The following ZMAT4 variants were observed in gnomAD, a reference collection of about 807,000 sequenced individuals.
ZMAT4 encodes the protein zinc finger matrin-type protein 4.
Under a neutral mutation model 28.7 loss-of-function variants are expected in ZMAT4, and 17 were observed. The ratio of observed to expected loss-of-function variants is 0.59; its 90% CI spans 0.41 to 0.89. The LOEUF (loss-of-function observed/expected upper bound fraction) is 0.89. Among genes scored for constraint, ZMAT4 ranks in the 40% least tolerant of loss-of-function variants. The pLI is 0.00. For missense variants in ZMAT4, 240 were observed against 283.8 expected (o/e 0.85, Z 1.11); for synonymous variants, 117 against 109.2 (o/e 1.07, Z -0.44).
chr8:40,633,373 T>A (rs891865992), intron 5 of ZMAT4, among the ~76,000 whole-genome samples: 2 of 151,976 alleles, frequency 1.3e-5, no homozygotes, highest in Non-Finnish European at 2.9e-5. Context: ...ACCCATTAAG[T>A]GGGAAAGTGA....
chr8:40,581,598 C>T (rs757289747), intron 5 of ZMAT4, among the ~76,000 whole-genome samples: 2 of 152,170 alleles, frequency 1.3e-5, no homozygotes, highest in Non-Finnish European at 2.9e-5. Flanking sequence ...ACTGTCATCT[C>T]TGCAGTGAAA....
At chr8:40,608,166 A>G (rs912040417) in intron 5 of ZMAT4, among the ~76,000 whole-genome samples, 5 of 152,088 alleles carry the variant, frequency 3.3e-5, no homozygotes, top group Non-Finnish European at 5.9e-5. Flanking sequence ...GTCTTTGGCT[A>G]TCAGGGAGGG....
intron 3 of ZMAT4, among the ~76,000 whole-genome samples, chr8:40,719,107 T>G (rs988471324): frequency 6.6e-6 from 1 of 152,170 alleles, no homozygotes. Context: ...TGATGTTTTC[T>G]TCTCTCTCTT....
intron 5 of ZMAT4, among the ~76,000 whole-genome samples, chr8:40,617,524 G>A (rs969538514): frequency 1.3e-5 from 2 of 152,176 alleles, no homozygotes; most frequent in Non-Finnish European, 2.9e-5. Context: ...ATGCTGAAAC[G>A]CTATGCAAGC....
intron 4 of ZMAT4, among the ~76,000 whole-genome samples, chr8:40,691,347 G>A (rs773037779): frequency 6.6e-6 from 1 of 150,882 alleles, no homozygotes; most frequent in East Asian, 1.9e-4. Flanking sequence ...ATTTTAAATG[G>A]CAAAGTCACC....
In ZMAT4 at chr8:40,743,650, G is replaced by T. The variant is rs1249784314; in HGVS notation, c.192+23991C>A. On this transcript the variant is annotated intron_variant, in intron 3 of 6. Coordinates refer to ENST00000297737, the MANE Select transcript of ZMAT4 (RefSeq NM_024645.3). ...CCTGGCTCCTCACAGAGAGTTGGAA[G>T]CCCTGGGTACACAGGACACACACAT... Among the ~76,000 whole-genome samples, 3 of 152,354 alleles carry T rather than the reference G, an allele frequency of 2.0e-5. No individual in the cohort carries two copies. In the East Asian group the frequency reaches 5.8e-4, roughly 29 times the overall value.
chr8:40,873,752 T>C lies in ZMAT4; in HGVS notation c.-5+23931A>G, dbSNP rs76413938. Among the ~76,000 whole-genome samples the C allele has an allele frequency of 8.2e-3, 1,247 of 152,296 alleles. 7 individuals carry two copies. Among genetic ancestry groups the C allele is most frequent in the Non-Finnish European group, 0.013 (892 of 68,010 alleles). On this transcript the variant is annotated intron_variant, in intron 1 of 6. Coordinates refer to ENST00000297737, the MANE Select transcript of ZMAT4 (RefSeq NM_024645.3). Reference sequence around the variant, plus strand: ...AGTCCCAGAGGATCTTAAAATGGTTTCACTTCATCAGCGGTTAGGACATGT... The same window carrying C: ...AGTCCCAGAGGATCTTAAAATGGTTCCACTTCATCAGCGGTTAGGACATGT...
rs377553574 is a variant in ZMAT4 at position 40,638,128 on chromosome 8, G to A, written c.577+36576C>T. Among the ~76,000 whole-genome samples, 12 of 152,208 alleles carry A rather than the reference G, an allele frequency of 7.9e-5. 1 individual carries two copies. The highest frequency in any genetic ancestry group is 2.9e-4 in the African/African-American group (12 of 41,538). Reference sequence around the variant, plus strand: ...CATTTCAGTTAGAGAGGAGGAAGAGGTTCTCGTGATCTATTGTACAATATA... The same window carrying A: ...CATTTCAGTTAGAGAGGAGGAAGAGATTCTCGTGATCTATTGTACAATATA... On this transcript the variant is annotated intron_variant, in intron 5 of 6. Transcript: ENST00000297737.
At chr8:40,647,835 G>A (rs1490978690) in intron 5 of ZMAT4, among the ~76,000 whole-genome samples, 2 of 151,988 alleles carry the variant, frequency 1.3e-5, no homozygotes, top group Non-Finnish European at 2.9e-5. Flanking sequence ...TCACACGCAG[G>A]GTATTCCAAC....
intron 2 of ZMAT4, among the ~76,000 whole-genome samples, chr8:40,821,581 G>A (rs1479307405): frequency 6.6e-6 from 1 of 152,094 alleles, no homozygotes; most frequent in South Asian, 2.1e-4. Flanking sequence ...TCGTGCAAAG[G>A]TTCAGCCTTT....
chr8:40,854,403 T>G (rs145921645), intron 1 of ZMAT4, among the ~76,000 whole-genome samples: 6 of 152,318 alleles, frequency 3.9e-5, no homozygotes, highest in African/African-American at 1.2e-4. Context: ...AATACTTCCC[T>G]TTAAAATATA....
At chr8:40,547,832 G>A (rs1348386888) in intron 6 of ZMAT4, among the ~76,000 whole-genome samples, 2 of 152,132 alleles carry the variant, frequency 1.3e-5, no homozygotes, top group African/African-American at 2.4e-5. Flanking sequence ...AGAGACTCAC[G>A]ATGAATGAAA....
At chr8:40,828,110 G>T (rs949254922) in intron 1 of ZMAT4, among the ~76,000 whole-genome samples, 2 of 152,156 alleles carry the variant, frequency 1.3e-5, no homozygotes, top group Non-Finnish European at 2.9e-5. Context: ...TGAGGCAAAG[G>T]ATTGCCAATT....
chr8:40,532,396 C>G (rs1358237409), intron 6 of ZMAT4, among the ~76,000 whole-genome samples, 158 bp from the exon 7 acceptor site: 1 of 78,962 alleles, frequency 1.3e-5, no homozygotes, highest in Admixed American at 1.2e-4. Context: ...CTTTCAGGTT[C>G]TAAATAACCT....
chr8:40,799,997 T>C (rs1281731700), intron 2 of ZMAT4, among the ~76,000 whole-genome samples: 2 of 151,962 alleles, frequency 1.3e-5, no homozygotes, highest in Admixed American at 6.6e-5. Flanking sequence ...TAGAAACCAG[T>C]GCAAAATAAA....
intron 2 of ZMAT4, among the ~76,000 whole-genome samples, chr8:40,815,477 G>A (rs1815493505): frequency 6.6e-6 from 1 of 152,108 alleles, no homozygotes; most frequent in African/African-American, 2.4e-5. Flanking sequence ...GTAGAGGAGA[G>A]CAAAGGAAAA....
intron 5 of ZMAT4, among the ~76,000 whole-genome samples, chr8:40,622,331 C>A (rs1806230873): frequency 6.6e-6 from 1 of 152,092 alleles, no homozygotes; most frequent in South Asian, 2.1e-4. Context: ...AGGAAAAGAC[C>A]CTTGCCCCAA....
chr8:40,762,363 C>A (rs1029482086), intron 3 of ZMAT4, among the ~76,000 whole-genome samples: 9 of 152,134 alleles, frequency 5.9e-5, no homozygotes, highest in African/African-American at 1.9e-4. Context: ...GAGATACACA[C>A]AGAGAAGAAG....
At chr8:40,644,057 T>C (rs1807184028) in intron 5 of ZMAT4, among the ~76,000 whole-genome samples, 1 of 152,112 alleles carries the variant, frequency 6.6e-6, no homozygotes, top group Non-Finnish European at 1.5e-5. Context: ...TTGTATTTTA[T>C]AAAAATCTCT....
Sources: allele counts gnomAD v4.1 joint callset (sites outside exome capture counted in the v4.1 genomes callset), GRCh38; gene constraint gnomAD v4.1.1; transcripts MANE v1.5; gene names NCBI Gene and HGNC (gene_info 2026-07-23, HGNC 2026-07-21).